KIAA0930: variants seen among roughly 807,000 people sequenced by gnomAD.
The protein encoded by KIAA0930 is KIAA0930.
Under a neutral mutation model 43.9 loss-of-function variants are expected in KIAA0930, and 24 were observed. The ratio of observed to expected loss-of-function variants is 0.55; its 90% confidence interval spans 0.40 to 0.77. The LOEUF (loss-of-function observed/expected upper bound fraction) is 0.77. KIAA0930 is among the 30% of genes least tolerant of loss of function. The pLI is 0.00. For missense variants in KIAA0930, 461 were observed against 574.2 expected (o/e 0.80, Z 2.02); for synonymous variants, 259 against 216.4 (o/e 1.20, Z -1.73).
intron 1 of KIAA0930, among the ~76,000 whole-genome samples, chr22:45,221,043 C>T (rs1282456675): frequency 6.6e-6 from 1 of 152,162 alleles, no homozygotes; most frequent in Non-Finnish European, 1.5e-5. Flanking sequence ...AGCTCAAATT[C>T]CTCCACCAAG....
chr22:45,216,027 C>A (rs201860955), intron 1 of KIAA0930, among the ~76,000 whole-genome samples: 22 of 145,088 alleles, frequency 1.5e-4, no homozygotes, highest in Admixed American at 1.4e-4. Context: ...GACTCCGTCT[C>A]AAAAAAAAAA....
At chr22:45,198,447 G>T (rs1432352020) in intron 8 of KIAA0930, among the ~76,000 whole-genome samples, 1 of 152,210 alleles carries the variant, frequency 6.6e-6, no homozygotes, top group East Asian at 1.9e-4. Context: ...GGTGGGGAAG[G>T]GGCTTGCCCA....
Position 45,197,136 on chromosome 22 carries a change from GCTGGGC to G in KIAA0930, c.*34_*39del. ...GTAGGCACTTGGCAGCACTCCGAGGGCTGGGCCCGGCCGGGGCTCTGCGCAGGCTCC... is the reference window on the plus strand; with the variant it reads ...GTAGGCACTTGGCAGCACTCCGAGGGCCGGCCGGGGCTCTGCGCAGGCTCC... On this transcript the variant is annotated 3_prime_UTR_variant, in exon 10 of 10. Coordinates refer to ENST00000336156, the MANE Select transcript of KIAA0930 (RefSeq NM_001009880.2). The G allele has an allele frequency of 6.6e-7, 1 of 1,516,146 alleles. No homozygotes were observed. Among genetic ancestry groups the G allele is most frequent in the Non-Finnish European group, 8.9e-7 (1 of 1,125,338 alleles). The allele number at this position is 1,516,146 out of a possible 1,614,324, so 93.9% of individuals were successfully genotyped here. A position where few individuals can be genotyped will look rare whatever the true frequency, so the allele number is the denominator to read the frequency against.
At chr22:45,201,759 A>T (rs895176503) in intron 7 of KIAA0930, among the ~76,000 whole-genome samples, 1 of 152,224 alleles carries the variant, frequency 6.6e-6, no homozygotes, top group Non-Finnish European at 1.5e-5. Context: ...CCCCAAAAAA[A>T]GATATACAGA....
At chr22:45,209,186 T>A (rs1326601644) in intron 2 of KIAA0930, among the ~76,000 whole-genome samples, 1 of 152,196 alleles carries the variant, frequency 6.6e-6, no homozygotes, top group African/African-American at 2.4e-5. Flanking sequence ...CCCGGCTGGT[T>A]GCTATGGCAA....
intron 1 of KIAA0930, among the ~76,000 whole-genome samples, chr22:45,229,249 A>T (rs79986844): frequency 9.0e-5 from 2 of 22,166 alleles, no homozygotes; most frequent in African/African-American, 6.0e-4. Flanking sequence ...TCCACCCCCC[A>T]ACCACCACTC....
At position 45,200,300 on chromosome 22, in the gene KIAA0930, C is replaced by A. The variant is rs1414219826; in HGVS notation, c.853-265G>T. On this transcript the variant is annotated intron_variant, in intron 7 of 9. Transcript: ENST00000336156. ...GCTGCTGCCGCAAATGGCAGAAAGA[C>A]CCCCCTCCTCTGGGCCTCAAACAGT... The A allele has an allele frequency of 1.7e-5, 7 of 409,154 alleles. 1 individual carries two copies. The highest frequency in any genetic ancestry group is 8.0e-5 in the East Asian group (2 of 24,968). 25.3% of individuals were successfully genotyped at this position (409,154 alleles called of 1,614,324 possible).
Position 45,199,944 on chromosome 22 carries a change from C to A in KIAA0930, c.944G>T (p.Arg315Leu), listed in dbSNP as rs775102681. 1 of 1,609,766 alleles carries A rather than the reference C, an allele frequency of 6.2e-7. No homozygotes were observed. Among genetic ancestry groups the A allele is most frequent in the Non-Finnish European group, 8.5e-7 (1 of 1,177,450 alleles). ...PSLKRKVPRNRIAEMKKSHSA... is the reference protein window; with the variant it reads ...PSLKRKVPRNLIAEMKKSHSA... ...GTGCGACTTCTTCATCTCAGCGATCCGGTTCCGGGGCACCTTCCTCTTGAG... is the reference window on the plus strand; with the variant it reads ...GTGCGACTTCTTCATCTCAGCGATCAGGTTCCGGGGCACCTTCCTCTTGAG... The change falls in exon 8 of 10, where the codon CGG becomes CTG. Residue 315 changes from arginine (R) to leucine (L), a missense_variant. Arg to Leu is a moderately radical substitution (Grantham distance 102). Transcript: ENST00000336156.
At chr22:45,219,941 G>A (rs1220778208) in intron 1 of KIAA0930, among the ~76,000 whole-genome samples, 1 of 152,044 alleles carries the variant, frequency 6.6e-6, no homozygotes, top group Non-Finnish European at 1.5e-5. Context: ...GAAACAGACA[G>A]CTAGCTTCAG....
At position 45,194,407 on chromosome 22, in the gene KIAA0930, G is replaced by A. The variant is rs1282117152; in HGVS notation, c.*2769C>T. 1 of 152,152 alleles carries A rather than the reference G, an allele frequency of 6.6e-6. No individual in the cohort carries two copies. Among genetic ancestry groups the A allele is most frequent in the Non-Finnish European group, 1.5e-5 (1 of 68,040 alleles). 9.4% of individuals were successfully genotyped at this position (152,152 alleles called of 1,614,324 possible). A position where few individuals can be genotyped will look rare whatever the true frequency, so the allele number is the denominator to read the frequency against. The stretch of plus-strand genomic sequence containing the variant: ...GTCTTAAAGGGGGTTTGGGATTAAA[G>A]TACAGTTTTCCGCTGAGGAAACCTA... On this transcript the variant is annotated 3_prime_UTR_variant, in exon 10 of 10. Transcript: ENST00000336156.
In KIAA0930 at chr22:45,228,854, AC is replaced by A. The variant is rs777484836; in HGVS notation, c.64+11785del. On this transcript the variant is annotated intron_variant, in intron 1 of 9. Coordinates refer to ENST00000336156, the MANE Select transcript of KIAA0930 (RefSeq NM_001009880.2). ...CCACTCACCCGAAAGATCCCTCTTCACCCCCCAACCACCACTCACCCGAAAG... is the reference window on the plus strand; with the variant it reads ...CCACTCACCCGAAAGATCCCTCTTCACCCCCAACCACCACTCACCCGAAAG... Among the ~76,000 whole-genome samples the A allele has an allele frequency of 7.9e-5, 4 of 50,810 alleles. 1 individual carries two copies. Among genetic ancestry groups the A allele is most frequent in the African/African-American group, 9.8e-5 (1 of 10,162 alleles). 33.3% of individuals were successfully genotyped at this position (50,810 alleles called of 152,430 possible).
chr22:45,219,594 T>G (rs908431722), intron 1 of KIAA0930, among the ~76,000 whole-genome samples: 61 of 137,652 alleles, frequency 4.4e-4, no homozygotes, highest in African/African-American at 1.6e-3. Flanking sequence ...TTTTTTTTTT[T>G]TTTTTTTTTT....
At chr22:45,198,372 A>G (rs1174032367) in intron 8 of KIAA0930, among the ~76,000 whole-genome samples, 1 of 152,224 alleles carries the variant, frequency 6.6e-6, no homozygotes, top group Non-Finnish European at 1.5e-5. Flanking sequence ...GGCTGGGGGA[A>G]CCTGCCCCAG....
chr22:45,210,298 C>T (rs758269986), intron 2 of KIAA0930, among the ~76,000 whole-genome samples: 5 of 152,144 alleles, frequency 3.3e-5, no homozygotes, highest in Admixed American at 2.6e-4. Context: ...AGCCCTGGGA[C>T]GACAGAGGGC....
chr22:45,205,083 T>A lies in KIAA0930; in HGVS notation c.516+134A>T, dbSNP rs190773430. The A allele has an allele frequency of 7.2e-6, 5 of 692,782 alleles. No homozygotes were observed. The East Asian group carries it at 1.1e-4, about 15-fold the overall frequency. The allele number at this position is 692,782 out of a possible 1,614,324, so 42.9% of individuals were successfully genotyped here. A position where few individuals can be genotyped will look rare whatever the true frequency, so the allele number is the denominator to read the frequency against. On this transcript the variant is annotated intron_variant, in intron 5 of 9. Transcript: ENST00000336156. Reference sequence around the variant, plus strand: ...AACACTGGGAAGAGAGAGAGCCACATCTGCCTCAGCCGGACTCTTCCCGGC... The same window carrying A: ...AACACTGGGAAGAGAGAGAGCCACAACTGCCTCAGCCGGACTCTTCCCGGC...
intron 1 of KIAA0930, among the ~76,000 whole-genome samples, chr22:45,228,772 C>CCCGCCACCACCACTCACCCGAAAG (rs1287985965): frequency 8.5e-5 from 1 of 11,806 alleles, no homozygotes; most frequent in Admixed American, 4.1e-4. Context: ...GATCCCTCCC[C>CCCGCCACCACCACTCACCCGAAAG]ATCCCCCCCA....
At chr22:45,208,562 G>GACTCCACACGCA (rs2083662788) in intron 2 of KIAA0930, among the ~76,000 whole-genome samples, 5 of 120,774 alleles carry the variant, frequency 4.1e-5, no homozygotes, top group Non-Finnish European at 3.9e-5. Flanking sequence ...GAACCCGCCC[G>GACTCCACACGCA]GGAAGTTTGA....
At position 45,196,846 on chromosome 22, in the gene KIAA0930, C is replaced by T. The variant is rs2083540673; in HGVS notation, c.*330G>A. ...ACATAGACCCGCCGCTCTGGCCCCG[C>T]TCTGGGCATCAGCTGCTCCTTCCGC... On this transcript the variant is annotated 3_prime_UTR_variant, in exon 10 of 10. Transcript: ENST00000336156. This position sits in a 1 kb window ranked among gnomAD's most constrained non-coding sequence, Gnocchi z 4.1. 2 of 328,370 alleles carry T rather than the reference C, an allele frequency of 6.1e-6. No homozygotes were observed. Among genetic ancestry groups the T allele is most frequent in the African/African-American group, 4.3e-5 (2 of 46,442 alleles). The allele number at this position is 328,370 out of a possible 1,614,324, so 20.3% of individuals were successfully genotyped here.
intron 4 of KIAA0930, 56 bp from the exon 5 acceptor site, chr22:45,205,374 G>C: frequency 6.7e-7 from 1 of 1,501,330 alleles, no homozygotes; most frequent in Non-Finnish European, 9.3e-7. Flanking sequence ...CACAGGCCCA[G>C]AGCCAGTCCA....
Sources: gnomAD v4.1 joint callset for allele counts (sites outside exome capture counted in the v4.1 genomes callset) on GRCh38, gnomAD v4.1.1 for gene constraint, Gnocchi (gnomAD v3.1) non-coding constraint, MANE v1.5 for transcripts, NCBI Gene and HGNC (gene_info 2026-07-23, HGNC 2026-07-21) for gene names.